The following RHEB variants were observed in gnomAD, a reference collection of about 807,000 sequenced individuals.
RHEB encodes the protein GTP-binding protein Rheb.
In RHEB, 2 loss-of-function variants were observed where a neutral mutation model predicts 28.8. That is an observed-to-expected ratio of 0.07 (90% CI 0.03 to 0.22). The LOEUF (loss-of-function observed/expected upper bound fraction) is 0.22. Among genes scored for constraint, RHEB ranks in the 10% least tolerant of loss-of-function variants. The probability of loss-of-function intolerance (pLI) is 1.00; values close to 1 mark genes in which losing one functional copy is unlikely to be tolerated. For missense variants in RHEB, 76 were observed against 219.9 expected, an observed-to-expected ratio of 0.35 and a Z score of 4.14; for synonymous variants, 69 against 77.3, an observed-to-expected ratio of 0.89 and a Z score of 0.56.
chr7:151,515,346 G>A lies in RHEB; in HGVS notation c.52+4114C>T, dbSNP rs890783854. ...TTGCCAGGGGCTGACAGGGAAGCAGGATGGAGAGTGACTGCTAATGAGTAC... is the reference window on the plus strand; with the variant it reads ...TTGCCAGGGGCTGACAGGGAAGCAGAATGGAGAGTGACTGCTAATGAGTAC... On this transcript the variant is annotated intron_variant, in intron 1 of 7. Transcript: ENST00000262187. Among the ~76,000 whole-genome samples the A allele has an allele frequency of 2.6e-5, 4 of 152,210 alleles. No individual in the cohort carries two copies. In the East Asian group the frequency reaches 7.7e-4, roughly 29 times the overall value.
intron 1 of RHEB, among the ~76,000 whole-genome samples, chr7:151,497,502 C>T (rs1802694702): frequency 6.6e-6 from 1 of 152,224 alleles, no homozygotes; most frequent in African/African-American, 2.4e-5. Flanking sequence ...CTCCTACCAG[C>T]AACTCAGTTC....
At chr7:151,510,954 C>A (rs1041095693) in intron 1 of RHEB, among the ~76,000 whole-genome samples, 1 of 152,048 alleles carries the variant, frequency 6.6e-6, no homozygotes, top group Non-Finnish European at 1.5e-5. Context: ...TGGCACACAC[C>A]CATAGTCCCA....
At chr7:151,495,456 G>A (rs749824475) in intron 1 of RHEB, among the ~76,000 whole-genome samples, 1 of 152,030 alleles carries the variant, frequency 6.6e-6, no homozygotes, top group Non-Finnish European at 1.5e-5. Context: ...CTTTTATCAG[G>A]GAACAGCATT....
At chr7:151,503,059 C>G in intron 1 of RHEB, 1 of 792,252 alleles carries the variant, frequency 1.3e-6, no homozygotes, top group Admixed American at 1.7e-5. Context: ...CGCGAAAGTA[C>G]TGTTTTGGCG....
intron 3 of RHEB, among the ~76,000 whole-genome samples, chr7:151,482,410 C>T (rs958688806): frequency 1.3e-5 from 2 of 152,150 alleles, no homozygotes; most frequent in Non-Finnish European, 2.9e-5. Flanking sequence ...AGCCCTCATT[C>T]GCTTCCTTAA....
intron 1 of RHEB, among the ~76,000 whole-genome samples, chr7:151,512,726 C>T (rs1203616931): frequency 6.6e-6 from 1 of 152,166 alleles, no homozygotes; most frequent in Non-Finnish European, 1.5e-5. Context: ...ACTGTCAATT[C>T]GATTTTGCAC....
chr7:151,511,213 A>T (rs1269434428), intron 1 of RHEB, among the ~76,000 whole-genome samples: 1 of 152,218 alleles, frequency 6.6e-6, no homozygotes, highest in Non-Finnish European at 1.5e-5. Context: ...TTGCATCCCC[A>T]TTCACAAATT....
intron 3 of RHEB, 22 bp from the exon 4 acceptor site, chr7:151,477,437 T>A: frequency 7.2e-7 from 1 of 1,391,548 alleles, no homozygotes; most frequent in Non-Finnish European, 1.0e-6. Flanking sequence ...AAAAATTATC[T>A]TTGAGTAGTC....
In RHEB at chr7:151,519,532, C is replaced by G. The variant is rs765840158; in HGVS notation, c.-21G>C. ...GGCATCTTGGCGGCCTCCTCAGCCC[C>G]GGCCCAACCACATCAACCGCGGCGG... On this transcript the variant is annotated 5_prime_UTR_variant, in exon 1 of 8. Coordinates refer to ENST00000262187, the MANE Select transcript of RHEB (RefSeq NM_005614.4). 6.5e-6 allele frequency: 10 copies of G among 1,539,000 alleles called. No homozygotes were observed. In the Admixed American group the frequency reaches 7.4e-5, roughly 11 times the overall value.
intron 7 of RHEB, among the ~76,000 whole-genome samples, chr7:151,469,854 G>C (rs1029536067): frequency 6.6e-6 from 1 of 152,190 alleles, no homozygotes; most frequent in African/African-American, 2.4e-5. Flanking sequence ...GGGTTCTATA[G>C]AGAAGGGGCA....
intron 1 of RHEB, among the ~76,000 whole-genome samples, chr7:151,516,779 G>T (rs1803089386): frequency 6.6e-6 from 1 of 152,034 alleles, no homozygotes; most frequent in Non-Finnish European, 1.5e-5. Flanking sequence ...ATTTAATCAA[G>T]AGAACATTCT....
At chr7:151,509,683 ATTTG>A (rs1276173162) in intron 1 of RHEB, among the ~76,000 whole-genome samples, 1 of 152,192 alleles carries the variant, frequency 6.6e-6, no homozygotes, top group East Asian at 1.9e-4. Context: ...CAGGGGCCAA[ATTTG>A]GCCTACAGCC....
At position 151,468,493 on chromosome 7, in the gene RHEB, T is replaced by C. The variant is rs1005826464; in HGVS notation, c.463-1282A>G. The stretch of plus-strand genomic sequence containing the variant: ...ATGACCAGGAACCTGGCGCAGACAC[T>C]TGGTGCTGCCTAGCCACCCGCCTGC... On this transcript the variant is annotated intron_variant, in intron 7 of 7. Transcript: ENST00000262187. The surrounding 1 kb of genome is among the most constrained non-coding windows in gnomAD (Gnocchi z 4.3). Among the ~76,000 whole-genome samples, 1 of 152,222 alleles carries C rather than the reference T, an allele frequency of 6.6e-6. No individual in the cohort carries two copies. Among genetic ancestry groups the C allele is most frequent in the Admixed American group, 6.5e-5 (1 of 15,288 alleles).
intron 1 of RHEB, chr7:151,498,107 T>A: frequency 1.6e-6 from 2 of 1,289,370 alleles, no homozygotes; most frequent in Non-Finnish European, 2.0e-6. Context: ...AATGTGCCCA[T>A]GGGGATGCAC....
intron 2 of RHEB, among the ~76,000 whole-genome samples, chr7:151,488,564 G>A (rs1802524159): frequency 6.6e-6 from 1 of 152,214 alleles, no homozygotes; most frequent in South Asian, 2.1e-4. Flanking sequence ...GTGGAGGAAA[G>A]GGTGGGCGAA....
chr7:151,497,276 G>A (rs1001141865), intron 1 of RHEB, among the ~76,000 whole-genome samples: 1 of 152,140 alleles, frequency 6.6e-6, no homozygotes, highest in Non-Finnish European at 1.5e-5. Context: ...TTCTCAAAGT[G>A]TGGGCCCAGC....
At chr7:151,507,720 A>G (rs1584866910) in intron 1 of RHEB, among the ~76,000 whole-genome samples, 1 of 152,358 alleles carries the variant, frequency 6.6e-6, no homozygotes, top group African/African-American at 2.4e-5. Flanking sequence ...AATTATTATT[A>G]TTATGACAAA....
chr7:151,517,230 T>C (rs573519880), intron 1 of RHEB, among the ~76,000 whole-genome samples: 27 of 151,962 alleles, frequency 1.8e-4, no homozygotes, highest in Non-Finnish European at 3.1e-4. Flanking sequence ...TAGCCGGGCA[T>C]AGTGGTGCAC....
At chr7:151,499,640 T>C (rs1802736393) in intron 1 of RHEB, among the ~76,000 whole-genome samples, 1 of 152,188 alleles carries the variant, frequency 6.6e-6, no homozygotes, top group Admixed American at 6.5e-5. Context: ...TTTCCCAAAT[T>C]ATGATCAACA....
Sources: allele counts gnomAD v4.1 joint callset (sites outside exome capture counted in the v4.1 genomes callset), GRCh38; gene constraint gnomAD v4.1.1; non-coding constraint Gnocchi (gnomAD v3.1); transcripts MANE v1.5; gene names NCBI Gene and HGNC (gene_info 2026-07-23, HGNC 2026-07-21).